The following CTBP2 variants were observed in gnomAD, a reference collection of about 807,000 sequenced individuals.
CTBP2 encodes the protein C-terminal-binding protein 2.
CTBP2 carries 30 observed loss-of-function variants against 80.3 expected under a neutral mutation model. The observed-to-expected ratio is 0.37, with a 90% CI of 0.28 to 0.51. The LOEUF is 0.51. Among genes scored for constraint, CTBP2 ranks in the 20% least tolerant of loss-of-function variants. The pLI is 0.93. For missense variants in CTBP2, 1,212 were observed against 1,375.3 expected (o/e 0.88, Z 1.88); for synonymous variants, 594 against 587.4 (o/e 1.01, Z -0.16).
chr10:124,994,040 T>C (rs1953103892), intron 5 of CTBP2, 55 bp from the exon 8 acceptor site: 2 of 1,602,274 alleles, frequency 1.2e-6, no homozygotes, highest in Non-Finnish European at 8.5e-7. Context: ...GGAAGACTCT[T>C]GTACCAAGGT....
At chr10:125,046,560 T>C (rs1961317192) in intron 2 of CTBP2, among the ~76,000 whole-genome samples, 1 of 120,620 alleles carries the variant, frequency 8.3e-6, no homozygotes, top group African/African-American at 3.1e-5. Flanking sequence ...AAAAAAGAAT[T>C]TGGATATGAG....
chr10:125,107,116 C>T (rs992607377), intron 2 of CTBP2, among the ~76,000 whole-genome samples: 3 of 152,218 alleles, frequency 2.0e-5, no homozygotes, highest in Non-Finnish European at 4.4e-5. Flanking sequence ...GGAATAAAAT[C>T]CAAGCAAGAA....
At chr10:125,125,592 G>A (rs991197654) in intron 1 of CTBP2, among the ~76,000 whole-genome samples, 10 of 152,212 alleles carry the variant, frequency 6.6e-5, no homozygotes, top group African/African-American at 2.4e-4. Context: ...ATGGCTCCGA[G>A]TGAGTTAAGC....
intron 1 of CTBP2, among the ~76,000 whole-genome samples, chr10:125,132,730 T>C (rs1856387677): frequency 1.3e-5 from 2 of 152,214 alleles, no homozygotes; most frequent in Admixed American, 1.3e-4. Flanking sequence ...CACTAAAATA[T>C]GGGTTTTCAT....
At chr10:125,053,821 A>C (rs998924446) in intron 2 of CTBP2, among the ~76,000 whole-genome samples, 5 of 152,198 alleles carry the variant, frequency 3.3e-5, no homozygotes, top group African/African-American at 1.2e-4. Flanking sequence ...ATAGTTCCGA[A>C]GGGCAGGGCA....
intron 3 of CTBP2, among the ~76,000 whole-genome samples, chr10:125,035,838 G>C (rs1305790307): frequency 1.3e-5 from 2 of 152,194 alleles, no homozygotes; most frequent in African/African-American, 4.8e-5. Context: ...CAGATAGGAA[G>C]ATCTCCATTA....
At chr10:125,025,362 C>T (rs1211630333) in intron 1 of CTBP2, among the ~76,000 whole-genome samples, 4 of 152,226 alleles carry the variant, frequency 2.6e-5, no homozygotes, top group African/African-American at 9.6e-5. Context: ...CCATAAATCA[C>T]ACCTGGCACA....
At chr10:125,061,980 C>A (rs1042013493) in intron 2 of CTBP2, among the ~76,000 whole-genome samples, 1 of 152,228 alleles carries the variant, frequency 6.6e-6, no homozygotes, top group Admixed American at 6.5e-5. Flanking sequence ...AAAGACACAG[C>A]TGGGGTGGAG....
At chr10:125,032,351 C>T (rs938105781), upstream of CTBP2, among the ~76,000 whole-genome samples, 1 of 152,212 alleles carries the variant, frequency 6.6e-6, no homozygotes, top group South Asian at 2.1e-4. Flanking sequence ...GGTGACCCGC[C>T]CCATCACACT....
chr10:125,092,127 G>A (rs1461506482), intron 2 of CTBP2, among the ~76,000 whole-genome samples: 1 of 151,792 alleles, frequency 6.6e-6, no homozygotes, highest in African/African-American at 2.4e-5. Flanking sequence ...CATTGGGTGG[G>A]GAAGGGAGAT....
At position 125,090,285 on chromosome 10, in the gene CTBP2, C is replaced by CAAAAAAAAAAAAAAAAAAAAAAAAAA. The variant is rs56714830; in HGVS notation, c.-102+20704_-102+20705insTTTTTTTTTTTTTTTTTTTTTTTTTT. ...TCTGGGCGACAGAGAGTCCCTGGCT[C>CAAAAAAAAAAAAAAAAAAAAAAAAAA]AAAAAAAAAAAAAAAAAGGTTGGGG... On this transcript the variant is annotated intron_variant, in intron 2 of 10. Coordinates refer to the CTBP2 transcript ENST00000337195. 1.4e-4 allele frequency among the ~76,000 whole-genome samples: 9 copies of CAAAAAAAAAAAAAAAAAAAAAAAAAA among 65,430 alleles called. 1 individual carries two copies. The highest frequency in any genetic ancestry group is 6.2e-4 in the African/African-American group (9 of 14,488). 42.9% of individuals were successfully genotyped at this position (65,430 alleles called of 152,430 possible).
chr10:125,020,622 C>A (rs1956945696), intron 1 of CTBP2, among the ~76,000 whole-genome samples: 1 of 152,178 alleles, frequency 6.6e-6, no homozygotes, highest in Non-Finnish European at 1.5e-5. Context: ...ACAGCAAGCG[C>A]CGACCTCATT....
intron 1 of CTBP2, among the ~76,000 whole-genome samples, chr10:125,121,516 A>G (rs1854318703): frequency 6.6e-6 from 1 of 152,158 alleles, no homozygotes. Context: ...ACCATGTACA[A>G]ACTACTCACT....
intron 2 of CTBP2, among the ~76,000 whole-genome samples, chr10:125,075,696 G>A (rs1403947663): frequency 6.6e-6 from 1 of 152,218 alleles, no homozygotes; most frequent in Non-Finnish European, 1.5e-5. Context: ...CAATGAAAAG[G>A]TATCTAATAT....
intron 2 of CTBP2, among the ~76,000 whole-genome samples, chr10:125,092,074 G>T (rs1252737496): frequency 6.6e-6 from 1 of 151,594 alleles, no homozygotes; most frequent in Non-Finnish European, 1.5e-5. Flanking sequence ...TTGCTGTCAA[G>T]TAACACCATA....
At chr10:125,005,962 T>TA (rs1955191002) in intron 1 of CTBP2, 2 of 1,482,018 alleles carry the variant, frequency 1.3e-6, no homozygotes, top group Admixed American at 4.9e-5. Flanking sequence ...GGGCGCAAGG[T>TA]GGGAATCCAG....
intron 1 of CTBP2, among the ~76,000 whole-genome samples, chr10:125,004,414 C>G (rs1161006701): frequency 6.6e-6 from 1 of 152,208 alleles, no homozygotes; most frequent in African/African-American, 2.4e-5. Flanking sequence ...CCAGCAGGCT[C>G]CGAAGACCTC....
intron 2 of CTBP2, among the ~76,000 whole-genome samples, chr10:125,047,202 T>C (rs985349734): frequency 6.6e-6 from 1 of 152,198 alleles, no homozygotes; most frequent in African/African-American, 2.4e-5. Context: ...GCAAACAAAC[T>C]AAATGACACC....
chr10:125,033,384 C>T (rs1194923948), intron 3 of CTBP2, among the ~76,000 whole-genome samples: 2 of 152,194 alleles, frequency 1.3e-5, no homozygotes, highest in African/African-American at 4.8e-5. Flanking sequence ...CGAGCGCGCA[C>T]GCCAAGGTGC....
Sources: allele counts gnomAD v4.1 joint callset (sites outside exome capture counted in the v4.1 genomes callset), GRCh38; gene constraint gnomAD v4.1.1; transcripts MANE v1.5; gene names NCBI Gene and HGNC (gene_info 2026-07-23, HGNC 2026-07-21).